Variants in KALRN observed in about 807,000 individuals in gnomAD.
KALRN encodes kalirin RhoGEF kinase.
Under a neutral mutation model 353.7 loss-of-function variants are expected in KALRN, and 70 were observed. The observed-to-expected ratio is 0.20, with a 90% CI of 0.16 to 0.24. KALRN has a LOEUF of 0.24. Among genes scored for constraint, KALRN ranks in the 10% least tolerant of loss-of-function variants. KALRN has a pLI of 1.00. For missense variants in KALRN, 2,791 were observed against 3,756.7 expected, an observed-to-expected ratio of 0.74 and a Z score of 6.72; for synonymous variants, 1,391 against 1,434.8, an observed-to-expected ratio of 0.97 and a Z score of 0.69.
chr3:124,412,610 CTG>C (rs535808077), intron 13 of KALRN, among the ~76,000 whole-genome samples: 55 of 152,280 alleles, frequency 3.6e-4, no homozygotes, highest in Non-Finnish European at 5.4e-4. Flanking sequence ...TTGCAGAAAA[CTG>C]AGAGTAGACC....
intron 28 of KALRN, 82 bp downstream of exon 28, chr3:124,482,982 G>T: frequency 2.1e-6 from 2 of 935,576 alleles, no homozygotes; most frequent in East Asian, 2.4e-5. Flanking sequence ...CTAAGGATAG[G>T]AATGCTTCCA....
intron 58 of KALRN, 127 bp downstream of exon 58, chr3:124,713,262 A>G (rs2062978023): frequency 9.9e-6 from 6 of 607,688 alleles, no homozygotes; most frequent in African/African-American, 7.5e-5. Flanking sequence ...TGCATATAAC[A>G]TGCACTCTCT....
intron 14 of KALRN, among the ~76,000 whole-genome samples, chr3:124,422,192 A>G (rs1369069726): frequency 6.6e-6 from 1 of 152,210 alleles, no homozygotes; most frequent in African/African-American, 2.4e-5. Context: ...TTTATAAATA[A>G]TATATGAGAG....
At chr3:124,524,018 G>A (rs1191653228) in intron 33 of KALRN, among the ~76,000 whole-genome samples, 1 of 152,208 alleles carries the variant, frequency 6.6e-6, no homozygotes, top group African/African-American at 2.4e-5. Flanking sequence ...CATTTACTAT[G>A]TATCAGACAC....
chr3:124,588,219 G>A (rs528999817), intron 34 of KALRN, among the ~76,000 whole-genome samples: 16 of 152,172 alleles, frequency 1.1e-4, no homozygotes, highest in Non-Finnish European at 2.2e-4. Flanking sequence ...TGTCTAAGGG[G>A]TGATAAATCA....
intron 1 of KALRN, among the ~76,000 whole-genome samples, chr3:124,111,096 A>G (rs1007837955): frequency 9.2e-5 from 14 of 152,174 alleles, no homozygotes; most frequent in African/African-American, 2.9e-4. Context: ...TTGAGAAAAT[A>G]AAAACAAATA....
At chr3:124,093,401 G>A (rs1302621931) in intron 1 of KALRN, among the ~76,000 whole-genome samples, 1 of 152,196 alleles carries the variant, frequency 6.6e-6, no homozygotes, top group Non-Finnish European at 1.5e-5. Context: ...GTAGTTTTTA[G>A]GCTTGGAGAA....
chr3:124,506,369 A>G (rs964113817), intron 33 of KALRN, among the ~76,000 whole-genome samples: 13 of 152,136 alleles, frequency 8.5e-5, no homozygotes, highest in African/African-American at 2.4e-5. Context: ...TTGAGCACGC[A>G]TGTTCTCATA....
chr3:124,394,139 T>G (rs1560787914), intron 11 of KALRN, among the ~76,000 whole-genome samples: 1 of 152,240 alleles, frequency 6.6e-6, no homozygotes, highest in Non-Finnish European at 1.5e-5. Flanking sequence ...TATAGTGATT[T>G]GTGCAAAGGC....
intron 44 of KALRN, among the ~76,000 whole-genome samples, chr3:124,661,218 T>C (rs954767781): frequency 1.4e-4 from 22 of 152,192 alleles, no homozygotes; most frequent in Non-Finnish European, 2.8e-4. Context: ...TTCTTTTGGC[T>C]CCTGGTGACA....
intron 34 of KALRN, among the ~76,000 whole-genome samples, chr3:124,624,288 C>T (rs959513572): frequency 2.0e-5 from 3 of 152,196 alleles, no homozygotes; most frequent in Non-Finnish European, 2.9e-5. Flanking sequence ...TAAATGATGG[C>T]TCCCAAAGCG....
At chr3:124,083,450 G>A (rs760350357) in intron 1 of KALRN, among the ~76,000 whole-genome samples, 10 of 152,144 alleles carry the variant, frequency 6.6e-5, no homozygotes, top group Non-Finnish European at 1.2e-4. Context: ...CCAAGCCTAG[G>A]AAGAGCATAT....
At chr3:124,430,827 C>G (rs529563305) in intron 16 of KALRN, 52 bp downstream of exon 16, 21 of 1,573,180 alleles carry the variant, frequency 1.3e-5, no homozygotes, top group Admixed American at 1.8e-5. Flanking sequence ...CTGCTCTGTA[C>G]CTCAGGCAGG....
intron 11 of KALRN, among the ~76,000 whole-genome samples, chr3:124,394,871 A>G (rs1296716642): frequency 3.3e-5 from 5 of 152,182 alleles, no homozygotes; most frequent in African/African-American, 4.8e-5. Flanking sequence ...CTAAGATCAT[A>G]CCTGTAGGTT....
At chr3:124,439,198 T>TCACACACACACACACACACACACACACA (rs1220555173) in intron 18 of KALRN, among the ~76,000 whole-genome samples, 161 bp downstream of exon 18, 6 of 125,454 alleles carry the variant, frequency 4.8e-5, no homozygotes, top group African/African-American at 1.6e-4. Flanking sequence ...TCTCTCTCTC[T>TCACACACACACACACACACACACACACA]CTCACACACA....
intron 32 of KALRN, among the ~76,000 whole-genome samples, chr3:124,495,627 A>G (rs2063620178): frequency 6.7e-6 from 1 of 149,744 alleles, no homozygotes; most frequent in Non-Finnish European, 1.5e-5. Flanking sequence ...AAACCCAGCT[A>G]CTTGGGAGGC....
At chr3:124,053,506 T>G (rs1559877238) in intron 1 of KALRN, among the ~76,000 whole-genome samples, 1 of 152,184 alleles carries the variant, frequency 6.6e-6, no homozygotes, top group Non-Finnish European at 1.5e-5. Context: ...CCTGACATCA[T>G]AGGAATCACA....
chr3:124,415,372 C>T (rs1251988283), intron 14 of KALRN, among the ~76,000 whole-genome samples: 1 of 152,240 alleles, frequency 6.6e-6, no homozygotes, highest in Non-Finnish European at 1.5e-5. Flanking sequence ...CAACATCTGA[C>T]ATCTCTGGAA....
intron 5 of KALRN, among the ~76,000 whole-genome samples, chr3:124,279,187 T>C (rs1580409079): frequency 6.6e-6 from 1 of 152,306 alleles, no homozygotes. Flanking sequence ...TGGAGAAACC[T>C]GGGTTTGAAT....
Sources: gnomAD v4.1 joint callset for allele counts (sites outside exome capture counted in the v4.1 genomes callset) on GRCh38, gnomAD v4.1.1 for gene constraint, MANE v1.5 for transcripts, NCBI Gene and HGNC (gene_info 2026-07-23, HGNC 2026-07-21) for gene names.